The following SEMA5A variants were observed in gnomAD, a reference collection of about 807,000 sequenced individuals.
SEMA5A encodes semaphorin-5A.
Under a neutral mutation model 135.5 loss-of-function variants are expected in SEMA5A, and 55 were observed. The ratio of observed to expected loss-of-function variants is 0.41; its 90% CI spans 0.33 to 0.51. SEMA5A has a LOEUF of 0.51. SEMA5A is among the 20% of genes least tolerant of loss of function. The probability of loss-of-function intolerance (pLI) is 0.37; values close to 1 mark genes in which losing one functional copy is unlikely to be tolerated. For missense variants in SEMA5A, 1,290 were observed against 1,419.9 expected (o/e 0.91, Z 1.47); for synonymous variants, 580 against 546.5 (o/e 1.06, Z -0.85).
At chr5:9,437,152 G>A (rs972114981) in intron 2 of SEMA5A, among the ~76,000 whole-genome samples, 9 of 152,182 alleles carry the variant, frequency 5.9e-5, no homozygotes, top group Admixed American at 5.9e-4. Context: ...GCGCACAGAG[G>A]TAACTGCAGG....
At chr5:9,398,065 C>T (rs1318805553) in intron 2 of SEMA5A, among the ~76,000 whole-genome samples, 1 of 152,116 alleles carries the variant, frequency 6.6e-6, no homozygotes, top group Admixed American at 6.6e-5. Context: ...AATGATATGC[C>T]CAACTTCTCT....
intron 2 of SEMA5A, among the ~76,000 whole-genome samples, chr5:9,381,678 A>C (rs548164521): frequency 2.0e-4 from 31 of 152,298 alleles, no homozygotes; most frequent in African/African-American, 6.7e-4. Flanking sequence ...CCATGAGTAA[A>C]GCTGAAACCC....
chr5:9,542,167 C>T (rs1278025339), intron 1 of SEMA5A, among the ~76,000 whole-genome samples: 2 of 152,130 alleles, frequency 1.3e-5, no homozygotes, highest in African/African-American at 2.4e-5. Flanking sequence ...CAAGCGTACC[C>T]ATATCTGTTT....
intron 9 of SEMA5A, among the ~76,000 whole-genome samples, chr5:9,197,769 TG>T (rs1745490233): frequency 1.4e-5 from 2 of 144,520 alleles, no homozygotes; most frequent in Non-Finnish European, 3.0e-5. Context: ...TGTGTGTGTG[TG>T]TGTGTGTGTG....
At chr5:9,333,379 T>A (rs1323444734) in intron 4 of SEMA5A, among the ~76,000 whole-genome samples, 1 of 152,214 alleles carries the variant, frequency 6.6e-6, no homozygotes, top group East Asian at 1.9e-4. Context: ...GCCTTATGTG[T>A]CAACCAAGTT....
At chr5:9,222,533 G>C (rs1235461698) in intron 8 of SEMA5A, among the ~76,000 whole-genome samples, 1 of 152,162 alleles carries the variant, frequency 6.6e-6, no homozygotes, top group Non-Finnish European at 1.5e-5. Flanking sequence ...GCTATTCATT[G>C]TCATGCAAAT....
chr5:9,504,223 AG>A (rs1381023705), intron 1 of SEMA5A, among the ~76,000 whole-genome samples: 156 of 100,832 alleles, frequency 1.5e-3, no homozygotes, highest in Non-Finnish European at 2.3e-3. Context: ...AAAAAAAAAA[AG>A]AAAAAAAAAA....
chr5:9,064,957 T>C (rs1448200209), intron 17 of SEMA5A, among the ~76,000 whole-genome samples: 3 of 152,244 alleles, frequency 2.0e-5, no homozygotes, highest in Non-Finnish European at 4.4e-5. Context: ...TCAGTTATCT[T>C]TCTCTTGGTA....
chr5:9,289,025 G>A (rs2150580221), intron 5 of SEMA5A, among the ~76,000 whole-genome samples: 1 of 152,312 alleles, frequency 6.6e-6, no homozygotes, highest in Admixed American at 6.5e-5. Context: ...AAGCCTATTA[G>A]AGACCTGTGT....
chr5:9,046,454 C>G (rs1354189412), intron 21 of SEMA5A, among the ~76,000 whole-genome samples: 2 of 152,144 alleles, frequency 1.3e-5, no homozygotes, highest in African/African-American at 4.8e-5. Flanking sequence ...GGAAGGGATT[C>G]CACCCTGCCA....
intron 16 of SEMA5A, among the ~76,000 whole-genome samples, chr5:9,105,777 T>C (rs541773044): frequency 3.3e-5 from 5 of 152,360 alleles, no homozygotes; most frequent in African/African-American, 9.6e-5. Context: ...ATACTTTTTT[T>C]ATACTTACAG....
At chr5:9,196,346 C>T (rs1745383830) in intron 10 of SEMA5A, among the ~76,000 whole-genome samples, 1 of 152,170 alleles carries the variant, frequency 6.6e-6, no homozygotes, top group Admixed American at 6.5e-5. Context: ...AGAGATACCC[C>T]AAAGGTGTCT....
intron 4 of SEMA5A, among the ~76,000 whole-genome samples, chr5:9,332,694 C>A (rs1294515698): frequency 2.0e-5 from 3 of 152,186 alleles, no homozygotes; most frequent in Non-Finnish European, 4.4e-5. Context: ...AGGCATGCAG[C>A]TATGGGCTGC....
chr5:9,202,179 A>G lies in SEMA5A; in HGVS notation c.708T>C (p.Asn236=), dbSNP rs1218437946. 1 of 1,614,098 alleles carries G rather than the reference A, an allele frequency of 6.2e-7. No homozygotes were observed. The highest frequency in any genetic ancestry group is 8.5e-7 in the Non-Finnish European group (1 of 1,180,002). The stretch of plus-strand genomic sequence containing the variant: ...TTTTCCCACAGTCATGCTCTACTGC[A>G]TTTTCTCGGAAAAAGAAGTAGGTAA... The part of the protein sequence containing the change: ...GNFTYFFFRE[N]AVEHDCGKTV... The change falls in exon 9 of 23, where the codon AAT becomes AAC. Residue 236 remains asparagine, a synonymous_variant. Transcript: ENST00000382496.
intron 2 of SEMA5A, among the ~76,000 whole-genome samples, chr5:9,437,340 C>G (rs1466612638): frequency 6.7e-6 from 1 of 149,754 alleles, no homozygotes; most frequent in Admixed American, 6.6e-5. Flanking sequence ...ATTTTTTTTT[C>G]TTTTCTTCTT....
At position 9,224,900 on chromosome 5, in the gene SEMA5A, A is replaced by T. The variant is rs1431618677; in HGVS notation, c.433-13T>A. The T allele has an allele frequency of 6.2e-7, 1 of 1,607,738 alleles. No homozygotes were observed. Among genetic ancestry groups the T allele is most frequent in the East Asian group, 2.2e-5 (1 of 44,714 alleles). On this transcript the variant is annotated splice_polypyrimidine_tract_variant and intron_variant, in intron 7 of 22. Coordinates refer to ENST00000382496, the MANE Select transcript of SEMA5A (RefSeq NM_003966.3). ...TCAGGTTGCTCAACTGTGGGGGAGG[A>T]TGAGAGGGAAAGCAGTTATCTCTGC...
At chr5:9,073,324 T>C (rs1737871291) in intron 16 of SEMA5A, among the ~76,000 whole-genome samples, 1 of 152,198 alleles carries the variant, frequency 6.6e-6, no homozygotes, top group African/African-American at 2.4e-5. Flanking sequence ...TCAATTAACG[T>C]AATTCATCAT....
chr5:9,137,937 C>T (rs1014884475), intron 12 of SEMA5A, among the ~76,000 whole-genome samples: 5 of 152,088 alleles, frequency 3.3e-5, no homozygotes, highest in Admixed American at 6.5e-5. Flanking sequence ...CATTGACTGT[C>T]GCTTTGAAAT....
intron 1 of SEMA5A, among the ~76,000 whole-genome samples, chr5:9,463,093 C>T (rs1251159223): frequency 6.6e-6 from 1 of 151,828 alleles, no homozygotes; most frequent in South Asian, 2.1e-4. Context: ...AAGGATGCAA[C>T]TTGCATCCAA....
Sources: gnomAD v4.1 joint callset for allele counts (sites outside exome capture counted in the v4.1 genomes callset) on GRCh38, gnomAD v4.1.1 for gene constraint, MANE v1.5 for transcripts, NCBI Gene and HGNC (gene_info 2026-07-23, HGNC 2026-07-21) for gene names.